The following ITPR3 variants were observed in gnomAD, a reference collection of about 807,000 sequenced individuals.
The protein encoded by ITPR3 is inositol 1,4,5-trisphosphate-gated calcium channel ITPR3.
A neutral mutation model predicts 293.2 loss-of-function variants in ITPR3; 173 were observed. The observed-to-expected ratio is 0.59, with a 90% CI of 0.52 to 0.67. ITPR3 has a LOEUF of 0.67. Ranked by LOEUF, ITPR3 falls within the 30% of genes least tolerant of loss-of-function variation. The pLI is 0.00. For synonymous variants in ITPR3, 1,295 were observed against 1,444.4 expected, an observed-to-expected ratio of 0.90 and a Z score of 2.35; for missense variants, 2,796 against 3,592.1, an observed-to-expected ratio of 0.78 and a Z score of 5.66.
rs1028868237 is a variant in ITPR3 at position 33,687,442 on chromosome 6, A to G, written c.6178-36A>G. ...CCCCCAGCCACCATGTCCCCCAGCC[A>G]CCACACCCTGGTGACTGTGCTGCCA... On this transcript the variant is annotated intron_variant, in intron 45 of 57. Coordinates refer to ENST00000605930, the MANE Select transcript of ITPR3 (RefSeq NM_002224.4). This position sits in a 1 kb window ranked among gnomAD's most constrained non-coding sequence, Gnocchi z 5.3. The G allele has an allele frequency of 1.3e-5, 20 of 1,582,694 alleles. No homozygotes were observed. The African/African-American group carries it at 2.3e-4, about 18-fold the overall frequency.
intron 2 of ITPR3, among the ~76,000 whole-genome samples, chr6:33,653,650 A>G (rs1227148547): frequency 6.6e-6 from 1 of 152,194 alleles, no homozygotes; most frequent in Non-Finnish European, 1.5e-5. Flanking sequence ...CTGCTCATAG[A>G]TGTCCACCTA....
At chr6:33,695,535 A>C in intron 57 of ITPR3, 177 bp from the exon 58 acceptor site, 1 of 640,340 alleles carries the variant, frequency 1.6e-6, no homozygotes, top group East Asian at 2.6e-5. Context: ...ATTGAGAACA[A>C]GGGTTTGGTG....
At chr6:33,644,863 C>T (rs1318643704) in intron 2 of ITPR3, among the ~76,000 whole-genome samples, 1 of 151,492 alleles carries the variant, frequency 6.6e-6, no homozygotes, top group Non-Finnish European at 1.5e-5. Context: ...GGGGTTTCAT[C>T]ATGTTGGCCA....
intron 50 of ITPR3, 22 bp from the exon 51 acceptor site, chr6:33,690,012 C>G: frequency 6.2e-7 from 1 of 1,614,018 alleles, no homozygotes; most frequent in Non-Finnish European, 8.5e-7. Context: ...TGCTGACTCT[C>G]ATGCCTTGCA....
chr6:33,685,044 AAGAGG>A (rs1379969294), intron 39 of ITPR3, 101 bp downstream of exon 39: 69 of 1,354,144 alleles, frequency 5.1e-5, no homozygotes, highest in Non-Finnish European at 6.6e-5. Flanking sequence ...GAGGGTGTGA[AAGAGG>A]AGAGGCCTGA....
At position 33,683,076 on chromosome 6, in the gene ITPR3, G is replaced by A; in HGVS notation, c.4598-131G>A. 1 of 627,108 alleles carries A rather than the reference G, an allele frequency of 1.6e-6. No individual in the cohort carries two copies. The highest frequency in any genetic ancestry group is 2.5e-6 in the Non-Finnish European group (1 of 393,128). The allele number at this position is 627,108 out of a possible 1,614,324, so 38.8% of individuals were successfully genotyped here. ...GTCCCTCAAGCATAGGCCGGGGTGG[G>A]GGGGGTCTCTGTCTCCCAGACCCTT... On this transcript the variant is annotated intron_variant, in intron 34 of 57. Coordinates refer to ENST00000605930, the MANE Select transcript of ITPR3 (RefSeq NM_002224.4). The surrounding 1 kb of genome is among the most constrained non-coding windows in gnomAD (Gnocchi z 4.5).
rs77742734 is a variant in ITPR3 at position 33,688,210 on chromosome 6, G to A, written c.6376-29G>A. 5.1e-5 allele frequency: 83 copies of A among 1,613,974 alleles called. No individual in the cohort carries two copies. The African/African-American group carries it at 8.0e-4, about 16-fold the overall frequency. On this transcript the variant is annotated intron_variant, in intron 47 of 57. Coordinates refer to ENST00000605930, the MANE Select transcript of ITPR3 (RefSeq NM_002224.4). ...AGGGGCGGGCGTGGGAGCCTGCGCC[G>A]GGCGTGACCATGTGCTGTGTGTGCT...
chr6:33,638,773 A>C lies in ITPR3; in HGVS notation c.90-1711A>C, dbSNP rs1024724193. On this transcript the variant is annotated intron_variant, in intron 1 of 57. Transcript: ENST00000605930. The surrounding 1 kb of genome is among the most constrained non-coding windows in gnomAD (Gnocchi z 4.3). Reference sequence around the variant, plus strand: ...TTCTCAAGGAACTCACAGTGTAGACACAGCAAGTCAAGAAGTGGGGAGAGA... The same window carrying C: ...TTCTCAAGGAACTCACAGTGTAGACCCAGCAAGTCAAGAAGTGGGGAGAGA... 1.3e-5 allele frequency among the ~76,000 whole-genome samples: 2 copies of C among 152,348 alleles called. No individual in the cohort carries two copies. Among genetic ancestry groups the C allele is most frequent in the Non-Finnish European group, 2.9e-5 (2 of 68,024 alleles).
chr6:33,655,674 G>A lies in ITPR3; in HGVS notation c.161-92G>A. ...GGGGAACGGGGGTGGGGAAGGGTTG[G>A]GAGAGAAGAGCTGCAGGCTGGGGTT... On this transcript the variant is annotated intron_variant, in intron 2 of 57. Coordinates refer to ENST00000605930, the MANE Select transcript of ITPR3 (RefSeq NM_002224.4). This position sits in a 1 kb window ranked among gnomAD's most constrained non-coding sequence, Gnocchi z 4.9. The A allele has an allele frequency of 6.5e-7, 1 of 1,543,496 alleles. No homozygotes were observed. Among genetic ancestry groups the A allele is most frequent in the Non-Finnish European group, 8.8e-7 (1 of 1,130,338 alleles).
intron 2 of ITPR3, among the ~76,000 whole-genome samples, chr6:33,653,119 G>A (rs1368206153): frequency 6.6e-6 from 1 of 151,848 alleles, no homozygotes; most frequent in East Asian, 1.9e-4. Context: ...ATGTTGCCAA[G>A]GCTGGTCTTG....
In ITPR3 at chr6:33,654,027, G is replaced by A. The variant is rs1347468443; in HGVS notation, c.161-1739G>A. ...TCACGCCTGTAATCCCAGCACTTTT[G>A]TAGGCCGAAGTGGGTGGATCACTTG... On this transcript the variant is annotated intron_variant, in intron 2 of 57. Transcript: ENST00000605930. This position sits in a 1 kb window ranked among gnomAD's most constrained non-coding sequence, Gnocchi z 4.1. Among the ~76,000 whole-genome samples, 1 of 152,224 alleles carries A rather than the reference G, an allele frequency of 6.6e-6. No homozygotes were observed. Among genetic ancestry groups the A allele is most frequent in the Non-Finnish European group, 1.5e-5 (1 of 68,042 alleles).
intron 1 of ITPR3, among the ~76,000 whole-genome samples, chr6:33,623,707 C>T (rs1763493440): frequency 6.6e-6 from 1 of 152,132 alleles, no homozygotes; most frequent in South Asian, 2.1e-4. Flanking sequence ...AAAGGATTCC[C>T]TCTGTTGCCT....
chr6:33,659,667 AC>A (rs1015851553), intron 7 of ITPR3, 118 bp downstream of exon 7: 39 of 807,740 alleles, frequency 4.8e-5, no homozygotes, highest in African/African-American at 3.8e-4. Flanking sequence ...CCAGCTTTGC[AC>A]CCCCCAGCCT....
Position 33,654,443 on chromosome 6 carries a change from G to T in ITPR3, c.161-1323G>T, listed in dbSNP as rs758595725. On this transcript the variant is annotated intron_variant, in intron 2 of 57. Coordinates refer to ENST00000605930, the MANE Select transcript of ITPR3 (RefSeq NM_002224.4). The surrounding 1 kb of genome is among the most constrained non-coding windows in gnomAD (Gnocchi z 4.1). ...CATTTTTCCCTTTTCTTTCTAGGAA[G>T]TTCTGTCTTCCTTGATCTTTGGTTC... Among the ~76,000 whole-genome samples the T allele has an allele frequency of 6.6e-6, 1 of 152,080 alleles. No individual in the cohort carries two copies. Among genetic ancestry groups the T allele is most frequent in the Non-Finnish European group, 1.5e-5 (1 of 68,024 alleles).
chr6:33,680,712 C>T (rs201681042), intron 33 of ITPR3, 32 bp downstream of exon 33: 467 of 1,590,508 alleles, frequency 2.9e-4, no homozygotes, highest in Non-Finnish European at 3.8e-4. Flanking sequence ...ACCCCAGGGC[C>T]GACTTGCCTA....
At chr6:33,626,340 T>G (rs893111660) in intron 1 of ITPR3, among the ~76,000 whole-genome samples, 7 of 150,776 alleles carry the variant, frequency 4.6e-5, no homozygotes, top group African/African-American at 1.7e-4. Context: ...ACCTGGGGAT[T>G]AAAAAAAAAA....
rs527965475 is a variant in ITPR3 at position 33,640,015 on chromosome 6, GTC to G, written c.90-461_90-460del. Reference sequence around the variant, plus strand: ...TGCTTCTCTCATCTGTCTGTCTTTGGTCTCTCTCTGCTTCTGTTTCTTATGCT... The same window carrying G: ...TGCTTCTCTCATCTGTCTGTCTTTGGTCTCTCTGCTTCTGTTTCTTATGCT... On this transcript the variant is annotated intron_variant, in intron 1 of 57. Coordinates refer to ENST00000605930, the MANE Select transcript of ITPR3 (RefSeq NM_002224.4). Among the ~76,000 whole-genome samples the G allele has an allele frequency of 3.7e-3, 560 of 152,162 alleles. 4 individuals carry two copies. The highest frequency in any genetic ancestry group is 0.012 in the African/African-American group (510 of 41,500).
rs1409152181 is a variant in ITPR3, at chr6:33,670,246, C to G, written c.2190-79C>G. On this transcript the variant is annotated intron_variant, in intron 18 of 57. Coordinates refer to ENST00000605930, the MANE Select transcript of ITPR3 (RefSeq NM_002224.4). The surrounding 1 kb of genome is among the most constrained non-coding windows in gnomAD (Gnocchi z 6.7). ...AATCCCTTTGCCACTTTACTGAGTC[C>G]TCACCAAGTCTAGTGCCCAGTGCCA... 5 of 1,513,686 alleles carry G rather than the reference C, an allele frequency of 3.3e-6. No individual in the cohort carries two copies. The highest frequency in any genetic ancestry group is 4.6e-6 in the Non-Finnish European group (5 of 1,098,652). The allele number at this position is 1,513,686 out of a possible 1,614,324, so 93.8% of individuals were successfully genotyped here.
chr6:33,643,652 G>A (rs919076824), intron 2 of ITPR3, among the ~76,000 whole-genome samples: 2 of 152,174 alleles, frequency 1.3e-5, no homozygotes, highest in African/African-American at 4.8e-5. Context: ...GTTGGGGCAA[G>A]GGACCTGGGT....
Sources: gnomAD v4.1 joint callset for allele counts (sites outside exome capture counted in the v4.1 genomes callset) on GRCh38, gnomAD v4.1.1 for gene constraint, Gnocchi (gnomAD v3.1) non-coding constraint, MANE v1.5 for transcripts, NCBI Gene and HGNC (gene_info 2026-07-23, HGNC 2026-07-21) for gene names.